Variants in METTL22 observed in about 807,000 individuals in gnomAD.
The protein encoded by METTL22 is methyltransferase 22, Kin17 lysine.
METTL22 carries 51 observed loss-of-function variants against 48.4 expected under a neutral mutation model. That is an observed-to-expected ratio of 1.05 (90% CI 0.84 to 1.33). The LOEUF (loss-of-function observed/expected upper bound fraction) is 1.33, where lower values mean the gene tolerates loss of function less well. Among genes scored for constraint, METTL22 ranks in the 40% most tolerant of loss-of-function variants. The pLI is 0.00. For synonymous variants in METTL22, 255 were observed against 214.1 expected (o/e 1.19, Z -1.67); for missense variants, 678 against 526.9 (o/e 1.29, Z -2.81).
the METTL22 span, among the ~76,000 whole-genome samples, chr16:8,665,494 A>G: frequency 2.6e-5 from 4 of 152,260 alleles, no homozygotes; most frequent in African/African-American, 9.6e-5. Context: ...GTTTGCATAC[A>G]CTTCGTGTCT....
At chr16:8,628,581 A>T in intron 2 of METTL22, 149 bp from the exon 3 acceptor site, 1 of 1,053,292 alleles carries the variant, frequency 9.5e-7, no homozygotes, top group Non-Finnish European at 1.3e-6. Flanking sequence ...CAGCTGAATC[A>T]AGTGGGCCTT....
chr16:8,660,824 GA>G, the METTL22 span, among the ~76,000 whole-genome samples: 1 of 6,240 alleles, frequency 1.6e-4, no homozygotes, highest in African/African-American at 2.9e-4. Flanking sequence ...GGAGGAGGAG[GA>G]GGAGGGGGAG....
the METTL22 span, among the ~76,000 whole-genome samples, chr16:8,658,302 T>A: frequency 6.6e-6 from 1 of 152,232 alleles, no homozygotes; most frequent in South Asian, 2.1e-4. Context: ...GACACCTTGA[T>A]TGCGGACTTC....
intron 5 of METTL22, among the ~76,000 whole-genome samples, chr16:8,635,823 C>T (rs1381114126): frequency 6.6e-6 from 1 of 152,182 alleles, no homozygotes; most frequent in Non-Finnish European, 1.5e-5. Context: ...GTAGGAGGCC[C>T]TGCGGTGAAT....
At chr16:8,640,073 A>G (rs2056549416) in intron 6 of METTL22, among the ~76,000 whole-genome samples, 1 of 152,134 alleles carries the variant, frequency 6.6e-6, no homozygotes, top group African/African-American at 2.4e-5. Context: ...ACGTTGCATG[A>G]TTGCATTTTA....
the METTL22 span, among the ~76,000 whole-genome samples, chr16:8,662,883 A>G: frequency 1.4e-5 from 2 of 144,208 alleles, no homozygotes; most frequent in Non-Finnish European, 3.0e-5. Context: ...AGCACCTAAC[A>G]TATAACAGGG....
the METTL22 span, among the ~76,000 whole-genome samples, chr16:8,664,767 A>G: frequency 1.3e-5 from 2 of 152,038 alleles, no homozygotes; most frequent in African/African-American, 4.8e-5. Flanking sequence ...AGCCCACTCT[A>G]AAGCTCTTTC....
chr16:8,664,272 A>G, the METTL22 span, among the ~76,000 whole-genome samples: 3 of 151,970 alleles, frequency 2.0e-5, no homozygotes, highest in Non-Finnish European at 4.4e-5. Flanking sequence ...TTTCTTTGCA[A>G]GTTCACCTGT....
chr16:8,653,867 C>T (rs75976242), downstream of METTL22, among the ~76,000 whole-genome samples: 2,408 of 152,234 alleles, frequency 0.016, 22 homozygotes, highest in Non-Finnish European at 0.026. Flanking sequence ...ATCTAAACAC[C>T]TGGGTAGTGA....
At chr16:8,626,871 A>C (rs921818063) in intron 2 of METTL22, among the ~76,000 whole-genome samples, 3 of 135,936 alleles carry the variant, frequency 2.2e-5, no homozygotes, top group Non-Finnish European at 3.0e-5. Context: ...GGTTCACGCC[A>C]TTCTCCTGCC....
chr16:8,623,513 T>TG (rs1403095047), intron 1 of METTL22: 1 of 152,168 alleles, frequency 6.6e-6, no homozygotes, highest in Non-Finnish European at 1.5e-5. Flanking sequence ...AGGTATAAGC[T>TG]GTATTTTCTC....
rs2056604119 is a variant in METTL22 at position 8,641,162 on chromosome 16, GC to G, written c.805del (p.Leu269Ter). ...TAGTTAGGGTCAAAGAACTGGACTG[GC>G]TGAAGGACGACCTCTGCACAGGTGT... ...GIVRVKELDW[L>X]KDDLCTDPKV... On this transcript the variant is annotated frameshift_variant, in exon 7 of 11. Coordinates refer to ENST00000381920, the MANE Select transcript of METTL22 (RefSeq NM_024109.4). LOFTEE classifies it high-confidence loss of function. The G allele has an allele frequency of 6.2e-7, 1 of 1,613,882 alleles. No individual in the cohort carries two copies. Among genetic ancestry groups the G allele is most frequent in the African/African-American group, 1.3e-5 (1 of 74,892 alleles).
At chr16:8,665,162 C>T in the METTL22 span, among the ~76,000 whole-genome samples, 1 of 150,400 alleles carries the variant, frequency 6.6e-6, no homozygotes, top group Non-Finnish European at 1.5e-5. Context: ...TAATAATAAA[C>T]AGGCATAGTG....
intron 9 of METTL22, among the ~76,000 whole-genome samples, chr16:8,644,156 C>T (rs927629263): frequency 3.3e-5 from 5 of 152,164 alleles, no homozygotes; most frequent in East Asian, 1.9e-4. Flanking sequence ...TCCTCTGCAC[C>T]GCCCCCTGCC....
chr16:8,627,652 A>G (rs960093622), intron 2 of METTL22, among the ~76,000 whole-genome samples: 1 of 152,222 alleles, frequency 6.6e-6, no homozygotes, highest in Non-Finnish European at 1.5e-5. Flanking sequence ...AGCCACAGCC[A>G]TGCCCAGTCA....
chr16:8,630,534 CAG>C (rs1345930193), intron 3 of METTL22, among the ~76,000 whole-genome samples: 2 of 152,078 alleles, frequency 1.3e-5, no homozygotes, highest in African/African-American at 2.4e-5. Flanking sequence ...TCCTGCTTCT[CAG>C]GGGGGCCGAC....
downstream of METTL22, among the ~76,000 whole-genome samples, chr16:8,651,007 C>T (rs934071297): frequency 3.8e-4 from 57 of 151,720 alleles, no homozygotes; most frequent in African/African-American, 1.3e-3. Flanking sequence ...GGTGACAGAG[C>T]GAGACTCCGT....
Position 8,644,551 on chromosome 16 carries a change from T to C in METTL22, c.1011-6T>C, listed in dbSNP as rs768171162. ...CAGTTTGTGCGTCCGACTGGCTGGTTTGCAGGCTCAACTTCACATTGAGAC... is the reference window on the plus strand; with the variant it reads ...CAGTTTGTGCGTCCGACTGGCTGGTCTGCAGGCTCAACTTCACATTGAGAC... On this transcript the variant is annotated splice_region_variant and splice_polypyrimidine_tract_variant and intron_variant, in intron 9 of 10. Coordinates refer to ENST00000381920, the MANE Select transcript of METTL22 (RefSeq NM_024109.4). 6.5e-7 allele frequency: 1 copy of C among 1,535,418 alleles called. No individual in the cohort carries two copies. The highest frequency in any genetic ancestry group is 1.2e-5 in the South Asian group (1 of 81,662).
intron 6 of METTL22, among the ~76,000 whole-genome samples, chr16:8,640,586 A>T (rs2056566745): frequency 1.9e-5 from 1 of 53,564 alleles, no homozygotes; most frequent in African/African-American, 7.7e-5. Context: ...GGGCAGAAGG[A>T]TGGATAGATG....
Sources: gnomAD v4.1 joint callset for allele counts (sites outside exome capture counted in the v4.1 genomes callset) on GRCh38, gnomAD v4.1.1 for gene constraint, MANE v1.5 for transcripts, NCBI Gene and HGNC (gene_info 2026-07-23, HGNC 2026-07-21) for gene names.